Variants in GTF3C1 observed in about 807,000 individuals in gnomAD.
GTF3C1 encodes general transcription factor IIIC subunit 1, also known as general transcription factor 3C polypeptide 1.
A neutral mutation model predicts 226.7 loss-of-function variants in GTF3C1; 57 were observed. The ratio of observed to expected loss-of-function variants is 0.25; its 90% CI spans 0.20 to 0.31. The LOEUF is 0.31. Among genes scored for constraint, GTF3C1 ranks in the 10% least tolerant of loss-of-function variants. The probability of loss-of-function intolerance (pLI) is 1.00; values close to 1 mark genes in which losing one functional copy is unlikely to be tolerated. For synonymous variants in GTF3C1, 1,090 were observed against 1,084.8 expected (o/e 1.00, Z -0.09); for missense variants, 2,217 against 2,776.1 (o/e 0.80, Z 4.53).
Position 27,463,592 on chromosome 16 carries a change from C to G in GTF3C1, c.5873G>C (p.Gly1958Ala). The G allele has an allele frequency of 6.3e-7, 1 of 1,582,880 alleles. No homozygotes were observed. Among genetic ancestry groups the G allele is most frequent in the Non-Finnish European group, 8.7e-7 (1 of 1,151,310 alleles). ...QPPEGSEDPRGFTESFGAANI... is the reference protein window; with the variant it reads ...QPPEGSEDPRAFTESFGAANI... ...GGCAGCTCCGAAACTCTCTGTGAAC[C>G]CTGAGGGAAGAGGAAGAGAATGTGA... Residue 1958 changes from glycine (G) to alanine (A), a missense_variant and splice_region_variant, in exon 35 of 37, where the codon GGG (glycine) becomes GCG (alanine). Gly to Ala is a moderately conservative substitution (Grantham distance 60). Around this residue, in one of 12 missense-constraint regions of GTF3C1, gnomAD observed 455 missense variants for 441.9 expected, o/e 1.03. Coordinates refer to ENST00000356183, the MANE Select transcript of GTF3C1 (RefSeq NM_001520.4). The surrounding 1 kb of genome is among the most constrained non-coding windows in gnomAD (Gnocchi z 4.9).
chr16:27,494,493 A>G (rs73533017), intron 16 of GTF3C1, among the ~76,000 whole-genome samples: 2,708 of 152,128 alleles, frequency 0.018, 73 homozygotes, highest in African/African-American at 0.061. Context: ...CAATAGATCC[A>G]TTTAGAAGAG....
At position 27,462,267 on chromosome 16, in the gene GTF3C1, C is replaced by A. The variant is rs1336353831; in HGVS notation, c.6117+27G>T. 2 of 1,525,952 alleles carry A rather than the reference C, an allele frequency of 1.3e-6. No individual in the cohort carries two copies. Among genetic ancestry groups the A allele is most frequent in the Non-Finnish European group, 1.8e-6 (2 of 1,131,514 alleles). 94.5% of individuals were successfully genotyped at this position (1,525,952 alleles called of 1,614,324 possible). ...TGAGTGCACCCAGCCGCCTCCACAC[C>A]CTGCTGAACCCAGGAAGGCCCCACA... On this transcript the variant is annotated intron_variant, in intron 36 of 36. Coordinates refer to ENST00000356183, the MANE Select transcript of GTF3C1 (RefSeq NM_001520.4). This position sits in a 1 kb window ranked among gnomAD's most constrained non-coding sequence, Gnocchi z 4.5.
intron 6 of GTF3C1, among the ~76,000 whole-genome samples, chr16:27,522,462 T>C (rs2088764400): frequency 6.6e-6 from 1 of 152,272 alleles, no homozygotes; most frequent in African/African-American, 2.4e-5. Context: ...TTCGGTTATC[T>C]GTCTACCCTT....
rs751118998 is a variant in GTF3C1, at chr16:27,492,686, G to A, written c.2904C>T (p.Asn968=). 23 of 1,602,256 alleles carry A rather than the reference G, an allele frequency of 1.4e-5. No individual in the cohort carries two copies. Among genetic ancestry groups the A allele is most frequent in the Non-Finnish European group, 2.0e-5 (23 of 1,169,360 alleles). Residue 968 remains asparagine, a synonymous_variant, in exon 18 of 37, where the codon AAC becomes AAT. Transcript: ENST00000356183. The surrounding 1 kb of genome is among the most constrained non-coding windows in gnomAD (Gnocchi z 5.0). The part of the protein sequence containing the change: ...KRRYIFSVVE[N]LQRLCYMGLL... ...GCCCCATGTAGCACAGCCTCTGAAG[G>A]TTCTCCACCACCGAAAAAATGTAAC...
intron 4 of GTF3C1, among the ~76,000 whole-genome samples, chr16:27,534,049 G>A (rs1053837256): frequency 3.9e-5 from 6 of 152,120 alleles, no homozygotes; most frequent in Non-Finnish European, 8.8e-5. Flanking sequence ...AAGGATGGGG[G>A]TTATTCTACA....
At chr16:27,538,141 C>T in intron 3 of GTF3C1, 39 bp downstream of exon 3, 1 of 1,410,548 alleles carries the variant, frequency 7.1e-7, no homozygotes, top group Non-Finnish European at 9.7e-7. Context: ...GGTGCAATGA[C>T]ATATAATTTA....
In GTF3C1 at chr16:27,461,497, G is replaced by A; in HGVS notation, c.6183C>T (p.Phe2061=). 1 of 1,613,998 alleles carries A rather than the reference G, an allele frequency of 6.2e-7. No homozygotes were observed. The highest frequency in any genetic ancestry group is 1.3e-5 in the African/African-American group (1 of 75,050). Residue 2061 remains phenylalanine, a synonymous_variant, in exon 37 of 37, where the codon TTC becomes TTT. Coordinates refer to ENST00000356183, the MANE Select transcript of GTF3C1 (RefSeq NM_001520.4). This position sits in a 1 kb window ranked among gnomAD's most constrained non-coding sequence, Gnocchi z 5.3. ...WLRKPRPVSL[F]STPVVEEVEV... Reference sequence around the variant, plus strand: ...CCACCTCTTCCACCACGGGTGTAGAGAAGAGCGAGACAGGCCTTGGCTTTC... The same window carrying A: ...CCACCTCTTCCACCACGGGTGTAGAAAAGAGCGAGACAGGCCTTGGCTTTC...
chr16:27,541,013 G>A (rs1031142765), intron 2 of GTF3C1, among the ~76,000 whole-genome samples: 2 of 152,114 alleles, frequency 1.3e-5, no homozygotes, highest in African/African-American at 4.8e-5. Flanking sequence ...GCTAATTTTT[G>A]TACTTTTAGT....
In GTF3C1 at chr16:27,461,607, T is replaced by C. The variant is rs766745107; in HGVS notation, c.6118-45A>G. 2 of 1,391,546 alleles carry C rather than the reference T, an allele frequency of 1.4e-6. No individual in the cohort carries two copies. Among genetic ancestry groups the C allele is most frequent in the South Asian group, 1.2e-5 (1 of 86,312 alleles). The allele number at this position is 1,391,546 out of a possible 1,614,324, so 86.2% of individuals were successfully genotyped here. A position where few individuals can be genotyped will look rare whatever the true frequency, so the allele number is the denominator to read the frequency against. ...AGGTTACAGCGGCACTGCCCTCGCC[T>C]GCTTGTTGATTTATTCTTCAAGCAT... On this transcript the variant is annotated intron_variant, in intron 36 of 36. Coordinates refer to ENST00000356183, the MANE Select transcript of GTF3C1 (RefSeq NM_001520.4). The surrounding 1 kb of genome is among the most constrained non-coding windows in gnomAD (Gnocchi z 5.3).
intron 4 of GTF3C1, among the ~76,000 whole-genome samples, chr16:27,537,557 G>A (rs1567415179): frequency 6.6e-6 from 1 of 152,030 alleles, no homozygotes; most frequent in Non-Finnish European, 1.5e-5. Context: ...CTACAGGTGT[G>A]CACCACCACG....
intron 4 of GTF3C1, among the ~76,000 whole-genome samples, chr16:27,537,242 A>C (rs2089014374): frequency 6.6e-6 from 1 of 152,192 alleles, no homozygotes; most frequent in African/African-American, 2.4e-5. Flanking sequence ...CCAAAATGTC[A>C]CCAAAATGTT....
intron 32 of GTF3C1, among the ~76,000 whole-genome samples, chr16:27,466,936 C>T (rs1389603165): frequency 6.6e-6 from 1 of 152,196 alleles, no homozygotes; most frequent in Non-Finnish European, 1.5e-5. Context: ...AACTTGGAAG[C>T]TAGCAGAGGT....
At position 27,471,472 on chromosome 16, in the gene GTF3C1, CA is replaced by C. The variant is rs1314548079; in HGVS notation, c.4526+275del. Reference sequence around the variant, plus strand: ...TTCCAGCCAGGCCAATTATTAAATGCAAACTGATTTCACTCCATCTGACGAG... The same window carrying C: ...TTCCAGCCAGGCCAATTATTAAATGCAACTGATTTCACTCCATCTGACGAG... On this transcript the variant is annotated intron_variant, in intron 30 of 36. Transcript: ENST00000356183. This position sits in a 1 kb window ranked among gnomAD's most constrained non-coding sequence, Gnocchi z 5.0. 2.4e-6 allele frequency: 1 copy of C among 408,474 alleles called. No individual in the cohort carries two copies. The highest frequency in any genetic ancestry group is 4.5e-6 in the Non-Finnish European group (1 of 223,132). The allele number at this position is 408,474 out of a possible 1,614,324, so 25.3% of individuals were successfully genotyped here.
chr16:27,490,376 C>T (rs953192791), intron 19 of GTF3C1, among the ~76,000 whole-genome samples: 7 of 152,224 alleles, frequency 4.6e-5, no homozygotes, highest in Non-Finnish European at 1.0e-4. Flanking sequence ...GGAAGGTTTG[C>T]AGACTCTCAA....
intron 6 of GTF3C1, among the ~76,000 whole-genome samples, chr16:27,513,409 G>A (rs1241798876): frequency 6.6e-6 from 1 of 152,140 alleles, no homozygotes; most frequent in African/African-American, 2.4e-5. Flanking sequence ...AGCCAAGCTC[G>A]CACCACTGCA....
Position 27,488,611 on chromosome 16 carries a change from G to C in GTF3C1, c.3454C>G (p.Leu1152Val). 6.2e-7 allele frequency: 1 copy of C among 1,613,560 alleles called. No individual in the cohort carries two copies. The highest frequency in any genetic ancestry group is 8.5e-7 in the Non-Finnish European group (1 of 1,179,870). The change falls in exon 22 of 37, where the codon CTC (leucine) becomes GTC (valine). Residue 1152 changes from leucine (L) to valine (V), a missense_variant. Around this residue, in one of 12 missense-constraint regions of GTF3C1, gnomAD observed 546 missense variants for 663.0 expected, o/e 0.82. Transcript: ENST00000356183. ...KKENTAAENG[L>V]TVRLQTFLSK... ...AGAAATGTCTGGAGCCTCACTGTGA[G>C]TCCATTCTCTGCGGCAGTGTTCTCC...
chr16:27,492,635 C>T lies in GTF3C1; in HGVS notation c.2955G>A (p.Lys985=), dbSNP rs1315001094. ...ACATTACCTGATCTTTATCCTGAAA[C>T]TTTTCCGTGGGACCAAACTGTAGCA... The part of the protein sequence containing the change: ...MGLLQFGPTE[K]FQDKDQVFIF... The change falls in exon 18 of 37, where the codon AAG becomes AAA. Residue 985 remains lysine (K), a synonymous_variant. Coordinates refer to ENST00000356183, the MANE Select transcript of GTF3C1 (RefSeq NM_001520.4). The surrounding 1 kb of genome is among the most constrained non-coding windows in gnomAD (Gnocchi z 5.0). 6.2e-7 allele frequency: 1 copy of T among 1,600,856 alleles called. No individual in the cohort carries two copies. Among genetic ancestry groups the T allele is most frequent in the African/African-American group, 1.3e-5 (1 of 74,812 alleles).
intron 7 of GTF3C1, among the ~76,000 whole-genome samples, chr16:27,511,249 C>T (rs2088566888): frequency 6.6e-6 from 1 of 152,194 alleles, no homozygotes; most frequent in African/African-American, 2.4e-5. Context: ...CGAACTTGCC[C>T]TCTCTCTCTT....
rs1275139664 is a variant in GTF3C1, at chr16:27,488,429, C to T, written c.3512-14G>A. On this transcript the variant is annotated splice_polypyrimidine_tract_variant and intron_variant, in intron 22 of 36. Coordinates refer to ENST00000356183, the MANE Select transcript of GTF3C1 (RefSeq NM_001520.4). Reference sequence around the variant, plus strand: ...ACCTGCTGTTGCCTAGACATAATCACAGGAGACAACAGTTTCAGGACGAGT... The same window carrying T: ...ACCTGCTGTTGCCTAGACATAATCATAGGAGACAACAGTTTCAGGACGAGT... The T allele has an allele frequency of 6.3e-6, 10 of 1,598,040 alleles. No individual in the cohort carries two copies. The highest frequency in any genetic ancestry group is 8.6e-6 in the Non-Finnish European group (10 of 1,165,730).
Sources: gnomAD v4.1 joint callset for allele counts (sites outside exome capture counted in the v4.1 genomes callset) on GRCh38, gnomAD v4.1.1 for gene constraint, gnomAD v4.1.1 regional missense constraint, Gnocchi (gnomAD v3.1) non-coding constraint, MANE v1.5 for transcripts, NCBI Gene and HGNC (gene_info 2026-07-23, HGNC 2026-07-21) for gene names.